ASIC2: variants seen among roughly 807,000 people sequenced by gnomAD.
ASIC2 encodes acid-sensing ion channel 2.
In ASIC2, 25 loss-of-function variants were observed where a neutral mutation model predicts 57.3. That is an observed-to-expected ratio of 0.44 (90% CI 0.32 to 0.61). The LOEUF (loss-of-function observed/expected upper bound fraction) is 0.61, where lower values mean the gene tolerates loss of function less well. Among genes scored for constraint, ASIC2 ranks in the 20% least tolerant of loss-of-function variants. The pLI is 0.06. For missense variants in ASIC2, 641 were observed against 738.1 expected (o/e 0.87, Z 1.52); for synonymous variants, 319 against 307.5 (o/e 1.04, Z -0.39).
chr17:33,814,354 C>G (rs986125238), intron 1 of ASIC2, among the ~76,000 whole-genome samples: 8 of 152,084 alleles, frequency 5.3e-5, no homozygotes, highest in African/African-American at 1.9e-4. Context: ...ACCATGTGTG[C>G]GTGTGTATGT....
chr17:33,418,994 A>C (rs115048376), intron 1 of ASIC2, among the ~76,000 whole-genome samples: 1 of 152,132 alleles, frequency 6.6e-6, no homozygotes, highest in Non-Finnish European at 1.5e-5. Context: ...GGAGAAATTC[A>C]TAATGTAGAT....
chr17:33,737,291 C>A (rs1909944883), intron 1 of ASIC2, among the ~76,000 whole-genome samples: 1 of 152,212 alleles, frequency 6.6e-6, no homozygotes, highest in African/African-American at 2.4e-5. Flanking sequence ...CAAGCCACAG[C>A]CTTAGCTATT....
At chr17:33,515,112 G>A (rs776884408) in intron 1 of ASIC2, among the ~76,000 whole-genome samples, 5 of 152,248 alleles carry the variant, frequency 3.3e-5, no homozygotes, top group Admixed American at 6.5e-5. Context: ...ATGAATTATA[G>A]CTGCCTAGCT....
chr17:33,037,615 A>G (rs185324263), intron 3 of ASIC2, among the ~76,000 whole-genome samples: 2,502 of 152,250 alleles, frequency 0.016, 52 homozygotes, highest in Middle Eastern at 0.068. Context: ...GAGGACCCTG[A>G]AGCACCATCT....
intron 1 of ASIC2, among the ~76,000 whole-genome samples, chr17:33,796,983 T>C (rs1003852878): frequency 6.6e-6 from 1 of 152,134 alleles, no homozygotes; most frequent in African/African-American, 2.4e-5. Flanking sequence ...AACCATGCAG[T>C]AGGTGAGCTG....
At chr17:33,843,409 C>T (rs1341550590) in intron 1 of ASIC2, among the ~76,000 whole-genome samples, 1 of 152,222 alleles carries the variant, frequency 6.6e-6, no homozygotes. Context: ...TATTCAAAAT[C>T]AATTAATGTG....
At chr17:33,411,395 A>G (rs577784197) in intron 1 of ASIC2, among the ~76,000 whole-genome samples, 1 of 152,362 alleles carries the variant, frequency 6.6e-6, no homozygotes, top group South Asian at 2.1e-4. Flanking sequence ...AACTCAGGCC[A>G]GATTTCCAGA....
chr17:33,837,853 C>G (rs973814711), intron 1 of ASIC2, among the ~76,000 whole-genome samples: 1 of 152,162 alleles, frequency 6.6e-6, no homozygotes, highest in Non-Finnish European at 1.5e-5. Flanking sequence ...ATCATCCAAA[C>G]TCTTCTACAT....
At chr17:33,394,512 A>C (rs150842571) in intron 1 of ASIC2, among the ~76,000 whole-genome samples, 2 of 152,326 alleles carry the variant, frequency 1.3e-5, no homozygotes, top group Non-Finnish European at 1.5e-5. Context: ...ACACTTGGTC[A>C]AGGAAATACA....
intron 1 of ASIC2, among the ~76,000 whole-genome samples, chr17:33,141,761 G>C (rs780735457): frequency 6.6e-6 from 1 of 152,208 alleles, no homozygotes; most frequent in Non-Finnish European, 1.5e-5. Context: ...TCAAGAGCTT[G>C]AGTAGGAGGT....
rs562326822 is a variant in ASIC2 at position 33,839,414 on chromosome 17, G to T, written c.555+316564C>A. 5.9e-5 allele frequency among the ~76,000 whole-genome samples: 9 copies of T among 152,252 alleles called. No individual in the cohort carries two copies. The East Asian group carries it at 1.4e-3, about 23-fold the overall frequency. ...GCATTCTCCAAGACATCTAGACAAT[G>T]CATTAATTAATTCAAGCAAAACTAA... On this transcript the variant is annotated intron_variant, in intron 1 of 9. Coordinates refer to the ASIC2 transcript ENST00000359872.
intron 1 of ASIC2, among the ~76,000 whole-genome samples, chr17:34,088,739 T>C (rs1438331380): frequency 2.0e-5 from 3 of 152,330 alleles, no homozygotes; most frequent in African/African-American, 4.8e-5. Context: ...GCCTGGGCAA[T>C]GGCGGGCGCC....
Position 33,095,461 on chromosome 17 carries a change from A to G in ASIC2, c.860-6471T>C, listed in dbSNP as rs527575688. Among the ~76,000 whole-genome samples, 9 of 152,364 alleles carry G rather than the reference A, an allele frequency of 5.9e-5. No individual in the cohort carries two copies. The South Asian group carries it at 1.9e-3, about 32-fold the overall frequency. ...TTTATAATCACAGTGCCTGGCATGC[A>G]GTAGGAACTCAAAAATGCTTGGTGA... On this transcript the variant is annotated intron_variant, in intron 2 of 9. Coordinates refer to ENST00000225823, the MANE Select transcript of ASIC2 (RefSeq NM_183377.2).
chr17:33,688,254 T>A (rs1188840959), intron 1 of ASIC2, among the ~76,000 whole-genome samples: 1 of 152,210 alleles, frequency 6.6e-6, no homozygotes, highest in East Asian at 1.9e-4. Flanking sequence ...TGTGTGTGTT[T>A]AGATTAAAGA....
chr17:33,603,256 G>C (rs1905151666), intron 1 of ASIC2, among the ~76,000 whole-genome samples: 1 of 152,204 alleles, frequency 6.6e-6, no homozygotes. Context: ...GGAGTGGTGG[G>C]GGTGTTGGGC....
At chr17:33,294,250 G>C (rs1391718859), upstream of ASIC2, among the ~76,000 whole-genome samples, 1 of 152,182 alleles carries the variant, frequency 6.6e-6, no homozygotes, top group Admixed American at 6.5e-5. Context: ...GAATTTGGTG[G>C]TGGAGGCAGT....
chr17:33,375,494 T>A (rs1408654473), intron 1 of ASIC2, among the ~76,000 whole-genome samples: 1 of 152,186 alleles, frequency 6.6e-6, no homozygotes, highest in Non-Finnish European at 1.5e-5. Flanking sequence ...TTATGAAGTT[T>A]ACGGCACACT....
At chr17:33,706,716 C>T (rs1394229373) in intron 1 of ASIC2, among the ~76,000 whole-genome samples, 1 of 152,144 alleles carries the variant, frequency 6.6e-6, no homozygotes, top group Non-Finnish European at 1.5e-5. Flanking sequence ...AAACTCTCTG[C>T]CAGAAATAGA....
At chr17:33,190,984 A>C (rs1374482857) in intron 1 of ASIC2, among the ~76,000 whole-genome samples, 2 of 152,202 alleles carry the variant, frequency 1.3e-5, no homozygotes, top group Non-Finnish European at 2.9e-5. Flanking sequence ...GTATTTACCC[A>C]AGGGAAAGAA....
Sources: gnomAD v4.1 joint callset for allele counts (sites outside exome capture counted in the v4.1 genomes callset) on GRCh38, gnomAD v4.1.1 for gene constraint, MANE v1.5 for transcripts, NCBI Gene and HGNC (gene_info 2026-07-23, HGNC 2026-07-21) for gene names.